Variants in EIF2S1 observed in about 807,000 individuals in gnomAD.
The protein encoded by EIF2S1 is eukaryotic translation initiation factor 2 subunit alpha.
Under a neutral mutation model 33.5 loss-of-function variants are expected in EIF2S1, and 5 were observed. That is an observed-to-expected ratio of 0.15 (90% confidence interval 0.08 to 0.31). The LOEUF is 0.31. Among genes scored for constraint, EIF2S1 ranks in the 10% least tolerant of loss-of-function variants. EIF2S1 has a pLI of 1.00. For missense variants in EIF2S1, 191 were observed against 384.6 expected (o/e 0.50, Z 4.21); for synonymous variants, 99 against 127.5 (o/e 0.78, Z 1.51).
At chr14:67,363,991 G>A (rs1212332103) in intron 1 of EIF2S1, 1 of 152,148 alleles carries the variant, frequency 6.6e-6, no homozygotes, top group African/African-American at 2.4e-5. Flanking sequence ...AAGTAGGTTG[G>A]GTGGATCAAA....
intron 5 of EIF2S1, among the ~76,000 whole-genome samples, chr14:67,381,364 AG>A (rs1406169280): frequency 2.8e-4 from 41 of 146,302 alleles, no homozygotes; most frequent in Non-Finnish European, 4.7e-4. Context: ...TCTGAGTCAA[AG>A]GGTAATGCAA....
chr14:67,370,334 A>G (rs1473512211), intron 2 of EIF2S1, among the ~76,000 whole-genome samples: 1 of 152,254 alleles, frequency 6.6e-6, no homozygotes, highest in East Asian at 1.9e-4. Context: ...TCCCAACACA[A>G]AGTAAGTAGA....
In EIF2S1 at chr14:67,385,870, C is replaced by T. The variant is rs2085920276; in HGVS notation, c.*2430C>T. 1 of 152,104 alleles carries T rather than the reference C, an allele frequency of 6.6e-6. No homozygotes were observed. The highest frequency in any genetic ancestry group is 1.5e-5 in the Non-Finnish European group (1 of 68,020). The allele number at this position is 152,104 out of a possible 1,614,324, so 9.4% of individuals were successfully genotyped here. A position where few individuals can be genotyped will look rare whatever the true frequency, so the allele number is the denominator to read the frequency against. ...ACCCATAGAGACATGCTAAGCACTA[C>T]ATCATGCTAAGAAGAACAGTTATTA... On this transcript the variant is annotated 3_prime_UTR_variant, in exon 8 of 8. Coordinates refer to ENST00000256383, the MANE Select transcript of EIF2S1 (RefSeq NM_004094.5).
In EIF2S1 at chr14:67,360,334, G is replaced by A. The variant is rs1392278104; in HGVS notation, c.-124G>A. 1.3e-5 allele frequency: 5 copies of A among 397,698 alleles called. No homozygotes were observed. The highest frequency in any genetic ancestry group is 2.2e-5 in the Non-Finnish European group (5 of 225,690). 24.6% of individuals were successfully genotyped at this position (397,698 alleles called of 1,614,324 possible). A position where few individuals can be genotyped will look rare whatever the true frequency, so the allele number is the denominator to read the frequency against. On this transcript the variant is annotated 5_prime_UTR_variant, in exon 1 of 8. Coordinates refer to ENST00000256383, the MANE Select transcript of EIF2S1 (RefSeq NM_004094.5). ...GCATGCGAGGAGGTTCCGCATGCGCGGTGGAGTGAGCGAAGCGCACGCTGA... is the reference window on the plus strand; with the variant it reads ...GCATGCGAGGAGGTTCCGCATGCGCAGTGGAGTGAGCGAAGCGCACGCTGA...
intron 6 of EIF2S1, 32 bp from the exon 7 acceptor site, chr14:67,382,415 T>C: frequency 3.8e-6 from 6 of 1,591,786 alleles, no homozygotes; most frequent in Non-Finnish European, 5.2e-6. Flanking sequence ...TGTAGGTACA[T>C]TCATAAATGA....
chr14:67,372,138 T>C (rs532440179), intron 2 of EIF2S1, among the ~76,000 whole-genome samples: 57 of 152,256 alleles, frequency 3.7e-4, no homozygotes, highest in Non-Finnish European at 6.6e-4. Context: ...AAAAAAAAAT[T>C]AAAAAATTTA....
At chr14:67,371,318 G>C (rs915775607) in intron 2 of EIF2S1, among the ~76,000 whole-genome samples, 30 of 151,986 alleles carry the variant, frequency 2.0e-4, no homozygotes, top group African/African-American at 7.3e-4. Flanking sequence ...TACTTGGGAG[G>C]CTGAGGTGGG....
intron 2 of EIF2S1, among the ~76,000 whole-genome samples, chr14:67,373,026 T>C (rs1014139375): frequency 1.3e-5 from 2 of 152,304 alleles, no homozygotes; most frequent in South Asian, 2.1e-4. Context: ...AATCAATAGA[T>C]TGACTTTTTA....
chr14:67,362,011 TTTTTTTCTTTTTTC>T (rs1170872924), intron 1 of EIF2S1, among the ~76,000 whole-genome samples: 14 of 148,540 alleles, frequency 9.4e-5, no homozygotes, highest in African/African-American at 2.8e-4. Flanking sequence ...GAGTCTTTTT[TTTTTTTCTTTTTTC>T]TTTTTTCTTT....
At chr14:67,379,756 A>G (rs113710634) in intron 4 of EIF2S1, among the ~76,000 whole-genome samples, 14,732 of 126,728 alleles carry the variant, frequency 0.12, 1,380 homozygotes, top group East Asian at 0.34. Context: ...CCGGGTTCAC[A>G]CCATTCTCCT....
intron 6 of EIF2S1, 124 bp from the exon 7 acceptor site, chr14:67,382,323 T>C: frequency 1.2e-6 from 1 of 805,810 alleles, no homozygotes; most frequent in Non-Finnish European, 1.9e-6. Flanking sequence ...TACTGTCCTG[T>C]AGAATTGGCA....
chr14:67,380,882 GGTT>G, intron 5 of EIF2S1, 117 bp downstream of exon 5: 6 of 495,960 alleles, frequency 1.2e-5, no homozygotes, highest in Non-Finnish European at 2.0e-5. Flanking sequence ...TTTTCTAAAT[GGTT>G]GTTTTTTATA....
chr14:67,370,948 G>A (rs977513090), intron 2 of EIF2S1, among the ~76,000 whole-genome samples: 1 of 152,090 alleles, frequency 6.6e-6, no homozygotes, highest in East Asian at 1.9e-4. Flanking sequence ...AGGATTGCTT[G>A]AGGCCAGGAG....
intron 3 of EIF2S1, among the ~76,000 whole-genome samples, chr14:67,375,290 GTC>G (rs2085851252): frequency 2.0e-5 from 3 of 146,634 alleles, no homozygotes; most frequent in African/African-American, 7.5e-5. Flanking sequence ...GTGTCACAAA[GTC>G]TTTCCCAGAC....
chr14:67,374,810 T>G (rs2085847861), intron 3 of EIF2S1, among the ~76,000 whole-genome samples: 1 of 152,214 alleles, frequency 6.6e-6, no homozygotes, highest in South Asian at 2.1e-4. Flanking sequence ...TTCTATTTTG[T>G]CCAGGTTGGT....
At chr14:67,370,031 A>AT (rs2085809246) in intron 2 of EIF2S1, among the ~76,000 whole-genome samples, 1 of 152,254 alleles carries the variant, frequency 6.6e-6, no homozygotes, top group African/African-American at 2.4e-5. Flanking sequence ...GTTTCTATAG[A>AT]TACTAAATTA....
chr14:67,365,999 C>T (rs1244404652), intron 2 of EIF2S1, among the ~76,000 whole-genome samples: 1 of 151,984 alleles, frequency 6.6e-6, no homozygotes, highest in Admixed American at 6.6e-5. Context: ...AATTATTAAA[C>T]TACTTTGAGA....
intron 3 of EIF2S1, 53 bp from the exon 4 acceptor site, chr14:67,376,386 T>G (rs1407442997): frequency 2.7e-6 from 4 of 1,496,914 alleles, no homozygotes; most frequent in Non-Finnish European, 3.6e-6. Context: ...TGTAAAAACA[T>G]TTTTTATAAA....
intron 1 of EIF2S1, among the ~76,000 whole-genome samples, chr14:67,363,519 C>T (rs1200701531): frequency 1.3e-5 from 2 of 152,054 alleles, no homozygotes; most frequent in Non-Finnish European, 2.9e-5. Flanking sequence ...AGAATATAGT[C>T]TTACTGATAA....
Sources: gnomAD v4.1 joint callset for allele counts (sites outside exome capture counted in the v4.1 genomes callset) on GRCh38, gnomAD v4.1.1 for gene constraint, MANE v1.5 for transcripts, NCBI Gene and HGNC (gene_info 2026-07-23, HGNC 2026-07-21) for gene names.